The following RADIL variants were observed in gnomAD, a reference collection of about 807,000 sequenced individuals.
RADIL encodes Rap associating with DIL domain, also known as ras-associating and dilute domain-containing protein.
In RADIL, 99 loss-of-function variants were observed where a neutral mutation model predicts 97.6. The ratio of observed to expected loss-of-function variants is 1.01; its 90% CI spans 0.86 to 1.20. The LOEUF is 1.20. Ranked by LOEUF, RADIL falls within the 50% of genes most tolerant of loss-of-function variation. RADIL has a pLI of 0.00. For missense variants in RADIL, 1,765 were observed against 1,498.9 expected, an observed-to-expected ratio of 1.18 and a Z score of -2.93; for synonymous variants, 803 against 691.8, an observed-to-expected ratio of 1.16 and a Z score of -2.52.
intron 5 of RADIL, among the ~76,000 whole-genome samples, chr7:4,828,682 G>C (rs60658176): frequency 0.13 from 20,270 of 152,224 alleles, 3,085 homozygotes; most frequent in African/African-American, 0.37. Flanking sequence ...GGATCACGGG[G>C]GAGTGACAGA....
intron 5 of RADIL, among the ~76,000 whole-genome samples, chr7:4,830,560 A>C (rs1399579878): frequency 2.0e-5 from 3 of 152,138 alleles, no homozygotes; most frequent in Non-Finnish European, 4.4e-5. Context: ...AAGGCTCAAA[A>C]GAGGGCCTCG....
Position 4,805,548 on chromosome 7 carries a change from C to T in RADIL, c.2290+18G>A. 1 of 1,569,576 alleles carries T rather than the reference C, an allele frequency of 6.4e-7. No individual in the cohort carries two copies. Among genetic ancestry groups the T allele is most frequent in the Non-Finnish European group, 8.7e-7 (1 of 1,155,538 alleles). On this transcript the variant is annotated intron_variant, in intron 10 of 14. Coordinates refer to ENST00000399583, the MANE Select transcript of RADIL (RefSeq NM_018059.5). ...CCACTGAGTCCCCAGCCCTCTCCTGCCCTGGGGCAGGGCTTACCTGACCTG... is the reference window on the plus strand; with the variant it reads ...CCACTGAGTCCCCAGCCCTCTCCTGTCCTGGGGCAGGGCTTACCTGACCTG...
chr7:4,803,262 G>A (rs1782174714), intron 11 of RADIL, among the ~76,000 whole-genome samples: 1 of 107,686 alleles, frequency 9.3e-6, no homozygotes, highest in African/African-American at 4.3e-5. Context: ...CGCTGGCTGG[G>A]GGGCCCCCTC....
rs1783718138 is a variant in RADIL, at chr7:4,851,909, AG to A, written c.536-15305del. Among the ~76,000 whole-genome samples the A allele has an allele frequency of 2.0e-5, 3 of 152,228 alleles. No individual in the cohort carries two copies. The South Asian group carries it at 6.2e-4, about 31-fold the overall frequency. ...TTTGCTGAAACCCAGGAAGACCAAA[AG>A]GTCAGGGTACCTGGCCACATAAATG... On this transcript the variant is annotated intron_variant, in intron 2 of 14. Coordinates refer to ENST00000399583, the MANE Select transcript of RADIL (RefSeq NM_018059.5).
intron 2 of RADIL, chr7:4,858,906 C>T (rs1401928676): frequency 6.6e-6 from 1 of 152,098 alleles, no homozygotes; most frequent in Non-Finnish European, 1.5e-5. Flanking sequence ...AGGCAAAAAG[C>T]TTTTTTGTTT....
In RADIL at chr7:4,822,388, C is replaced by T. The variant is rs749995740; in HGVS notation, c.1615+6G>A. Reference sequence around the variant, plus strand: ...CGGGGGGAATGGAGGGCAGCGCCAGCCGTACCTGTGATGTCCAGCTGCTCC... The same window carrying T: ...CGGGGGGAATGGAGGGCAGCGCCAGTCGTACCTGTGATGTCCAGCTGCTCC... On this transcript the variant is annotated splice_donor_region_variant and intron_variant, in intron 6 of 14. Transcript: ENST00000399583. The surrounding 1 kb of genome is among the most constrained non-coding windows in gnomAD (Gnocchi z 5.3). 26 of 1,606,528 alleles carry T rather than the reference C, an allele frequency of 1.6e-5. No individual in the cohort carries two copies. The South Asian group carries it at 2.4e-4, about 15-fold the overall frequency.
intron 2 of RADIL, among the ~76,000 whole-genome samples, chr7:4,870,925 C>T (rs114194271): frequency 0.013 from 2,050 of 152,230 alleles, 52 homozygotes; most frequent in African/African-American, 0.047. Flanking sequence ...GGGCTGTCAA[C>T]GGTGCCTCTA....
chr7:4,823,608 G>C (rs1374985917), intron 5 of RADIL, among the ~76,000 whole-genome samples: 1 of 152,178 alleles, frequency 6.6e-6, no homozygotes, highest in Non-Finnish European at 1.5e-5. Flanking sequence ...TTCCGGCTCA[G>C]TGCTCCCTTT....
Position 4,825,136 on chromosome 7 carries a change from G to A in RADIL, c.1455-2582C>T, listed in dbSNP as rs138988948. On this transcript the variant is annotated intron_variant, in intron 5 of 14. Transcript: ENST00000399583. ...GAGGGCAGAGGGGAAGGGCACTCGGGGGGGGACAGCACAGCCTGGCAGGAG... is the reference window on the plus strand; with the variant it reads ...GAGGGCAGAGGGGAAGGGCACTCGGAGGGGGACAGCACAGCCTGGCAGGAG... Among the ~76,000 whole-genome samples, 166 of 152,182 alleles carry A rather than the reference G, an allele frequency of 1.1e-3. 1 individual carries two copies. In the East Asian group the frequency reaches 0.026, roughly 24 times the overall value.
At chr7:4,828,962 C>T (rs1217124919) in intron 5 of RADIL, among the ~76,000 whole-genome samples, 1 of 152,200 alleles carries the variant, frequency 6.6e-6, no homozygotes. Context: ...CCAGTCCTCC[C>T]TGCACCTCAG....
intron 2 of RADIL, chr7:4,838,042 G>T: frequency 1.0e-6 from 1 of 985,446 alleles, no homozygotes; most frequent in Non-Finnish European, 1.2e-6. Context: ...CAAGGCAGCC[G>T]GCAGCCTGTG....
intron 5 of RADIL, among the ~76,000 whole-genome samples, chr7:4,826,190 AGAGT>A (rs1304029865): frequency 6.6e-6 from 1 of 152,158 alleles, no homozygotes; most frequent in Non-Finnish European, 1.5e-5. Flanking sequence ...CCTGGGCAAC[AGAGT>A]GAGACCCTGT....
chr7:4,807,764 TCC>T (rs2115171034), intron 9 of RADIL, among the ~76,000 whole-genome samples: 1 of 55,182 alleles, frequency 1.8e-5, no homozygotes. Flanking sequence ...TTTCTCCCCC[TCC>T]GTCTCTCTCC....
chr7:4,835,014 C>T lies in RADIL; in HGVS notation c.1009G>A (p.Val337Met), dbSNP rs192511474. 639 of 1,611,414 alleles carry T rather than the reference C, an allele frequency of 4.0e-4. 10 individuals are homozygous for T. The East Asian group carries it at 0.012, about 31-fold the overall frequency. ...VNFSEVGHRT[V>M]VLHHGDLLSL... Reference sequence around the variant, plus strand: ...AGCAGGTCCCCGTGGTGCAGCACCACGGTCCTGTGCCCCACCTCGGAGAAG... The same window carrying T: ...AGCAGGTCCCCGTGGTGCAGCACCATGGTCCTGTGCCCCACCTCGGAGAAG... Residue 337 changes from valine (V) to methionine (M), a missense_variant, in exon 4 of 15, where the codon GTG (valine) becomes ATG (methionine). Val to Met is a conservative substitution (Grantham distance 21). Coordinates refer to ENST00000399583, the MANE Select transcript of RADIL (RefSeq NM_018059.5). This position sits in a 1 kb window ranked among gnomAD's most constrained non-coding sequence, Gnocchi z 5.8.
chr7:4,805,843 G>C, intron 9 of RADIL, 127 bp from the exon 10 acceptor site: 1 of 1,413,700 alleles, frequency 7.1e-7, no homozygotes, highest in Non-Finnish European at 9.2e-7. Context: ...ACTCCCACCA[G>C]GGGCCATCTG....
rs1782710652 is a variant in RADIL, at chr7:4,817,553, G to T, written c.1616-202C>A. On this transcript the variant is annotated intron_variant, in intron 6 of 14. Coordinates refer to ENST00000399583, the MANE Select transcript of RADIL (RefSeq NM_018059.5). The surrounding 1 kb of genome is among the most constrained non-coding windows in gnomAD (Gnocchi z 8.3). ...ACCTGCCGCCACTCTTACCTGGGGAGGGGAATGCCGGGAGGGGCAGGAGGG... is the reference window on the plus strand; with the variant it reads ...ACCTGCCGCCACTCTTACCTGGGGATGGGAATGCCGGGAGGGGCAGGAGGG... 6.6e-6 allele frequency among the ~76,000 whole-genome samples: 1 copy of T among 152,116 alleles called. No homozygotes were observed. The highest frequency in any genetic ancestry group is 2.4e-5 in the African/African-American group (1 of 41,418).
intron 10 of RADIL, 122 bp from the exon 11 acceptor site, chr7:4,803,876 G>A: frequency 3.4e-6 from 3 of 880,366 alleles, no homozygotes; most frequent in Non-Finnish European, 1.8e-6. Context: ...CCCCTGCCCT[G>A]TGGACACAGG....
rs1168147423 is a variant in RADIL, at chr7:4,813,968, T to TG, written c.2139+1309dup. On this transcript the variant is annotated intron_variant, in intron 9 of 14. Transcript: ENST00000399583. This position sits in a 1 kb window ranked among gnomAD's most constrained non-coding sequence, Gnocchi z 5.0. ...ATTGCTTTTTTCTTTTTTGTAGAGA[T>TG]GGGGTCTCGCTGTGTTGCCCAGGCT... is the stretch of plus-strand genomic sequence containing the variant. 2.6e-5 allele frequency among the ~76,000 whole-genome samples: 4 copies of TG among 152,142 alleles called. No individual in the cohort carries two copies. The highest frequency in any genetic ancestry group is 4.4e-5 in the Non-Finnish European group (3 of 68,022).
At chr7:4,859,619 A>T (rs78826751) in intron 2 of RADIL, 6,530 of 397,798 alleles carry the variant, frequency 0.016, 353 homozygotes, top group African/African-American at 0.12. Context: ...TTTGAAGACA[A>T]CAGGTTCAGT....
Sources: gnomAD v4.1 joint callset for allele counts (sites outside exome capture counted in the v4.1 genomes callset) on GRCh38, gnomAD v4.1.1 for gene constraint, Gnocchi (gnomAD v3.1) non-coding constraint, MANE v1.5 for transcripts, NCBI Gene and HGNC (gene_info 2026-07-23, HGNC 2026-07-21) for gene names.